Variants in KAZN observed in about 807,000 individuals in gnomAD.
KAZN encodes the protein kazrin, periplakin interacting protein.
In KAZN, 40 loss-of-function variants were observed where a neutral mutation model predicts 87.4. The observed-to-expected ratio is 0.46, with a 90% CI of 0.36 to 0.60. The LOEUF (loss-of-function observed/expected upper bound fraction) is 0.60, where lower values mean the gene tolerates loss of function less well. Among genes scored for constraint, KAZN ranks in the 20% least tolerant of loss-of-function variants. KAZN has a pLI of 0.00. For missense variants in KAZN, 898 were observed against 1,073.9 expected, an observed-to-expected ratio of 0.84 and a Z score of 2.29; for synonymous variants, 466 against 458.3, an observed-to-expected ratio of 1.02 and a Z score of -0.22.
chr1:14,402,301 T>G (rs1663483893), intron 2 of KAZN, among the ~76,000 whole-genome samples: 2 of 151,980 alleles, frequency 1.3e-5, no homozygotes, highest in South Asian at 4.1e-4. Flanking sequence ...AACAAATTTA[T>G]GAAAGAATAT....
chr1:13,896,219 T>C (rs963180635), intron 1 of KAZN, among the ~76,000 whole-genome samples: 3 of 152,208 alleles, frequency 2.0e-5, no homozygotes, highest in African/African-American at 7.2e-5. Context: ...AAGTTTTCGC[T>C]CATGACTACT....
At chr1:14,564,762 G>A (rs147091010) in intron 2 of KAZN, among the ~76,000 whole-genome samples, 2,212 of 152,156 alleles carry the variant, frequency 0.015, 64 homozygotes, top group African/African-American at 0.051. Context: ...GCAGTGAGCC[G>A]AGATCATACC....
At chr1:14,564,833 A>T (rs1438437038) in intron 2 of KAZN, among the ~76,000 whole-genome samples, 1 of 152,048 alleles carries the variant, frequency 6.6e-6, no homozygotes, top group Non-Finnish European at 1.5e-5. Context: ...TATAAAATAA[A>T]GTAAAATAAA....
chr1:14,148,625 TTA>T lies in KAZN; in HGVS notation c.92-31808_92-31807del, dbSNP rs1170515677. On this transcript the variant is annotated intron_variant, in intron 1 of 16. Coordinates refer to the KAZN transcript ENST00000636203. Reference sequence around the variant, plus strand: ...AAGCCATATTTTTGTTTTGTTTTGTTTATGTTTCTTTTGTGTTTGAGACTTTC... The same window carrying T: ...AAGCCATATTTTTGTTTTGTTTTGTTTGTTTCTTTTGTGTTTGAGACTTTC... Among the ~76,000 whole-genome samples, 4 of 152,214 alleles carry T rather than the reference TTA, an allele frequency of 2.6e-5. No homozygotes were observed. In the East Asian group the frequency reaches 7.7e-4, roughly 29 times the overall value.
chr1:14,141,142 C>G (rs1257890071), intron 1 of KAZN, among the ~76,000 whole-genome samples: 2 of 151,470 alleles, frequency 1.3e-5, no homozygotes, highest in Non-Finnish European at 2.9e-5. Flanking sequence ...TTCTAAACTT[C>G]CCCAGAAAAC....
intron 2 of KAZN, among the ~76,000 whole-genome samples, chr1:14,482,835 T>A (rs1367625365): frequency 1.3e-5 from 2 of 152,116 alleles, no homozygotes; most frequent in African/African-American, 4.8e-5. Context: ...CAACGGGAGC[T>A]AATATAACTT....
intron 4 of KAZN, among the ~76,000 whole-genome samples, chr1:15,044,445 C>T (rs1673263271): frequency 6.6e-6 from 1 of 152,146 alleles, no homozygotes; most frequent in South Asian, 2.1e-4. Context: ...CCACACACCC[C>T]AGCCTACTAT....
intron 1 of KAZN, among the ~76,000 whole-genome samples, chr1:14,654,417 C>G (rs7516049): frequency 0.069 from 10,472 of 152,104 alleles, 482 homozygotes; most frequent in African/African-American, 0.12. Context: ...AGGTAGAGAA[C>G]CCAGAAAGAG....
At position 14,657,246 on chromosome 1, in the gene KAZN, G is replaced by A. The variant is rs377081761; in HGVS notation, c.226+58023G>A. Among the ~76,000 whole-genome samples, 97 of 152,168 alleles carry A rather than the reference G, an allele frequency of 6.4e-4. 1 individual carries two copies. In the South Asian group the frequency reaches 0.018, roughly 27 times the overall value. Reference sequence around the variant, plus strand: ...TTACAGACATGTGCCACCACACCTGGCTAATCTTGTATTTTTAGTAGAGAC... The same window carrying A: ...TTACAGACATGTGCCACCACACCTGACTAATCTTGTATTTTTAGTAGAGAC... On this transcript the variant is annotated intron_variant, in intron 1 of 14. Transcript: ENST00000376030.
In KAZN at chr1:15,056,273, C is replaced by T; in HGVS notation, c.909C>T (p.Asp303=). ...LYHSHPPHPA[D]RQAVRVSPCH... ...ACTCACACCCCCCTCACCCTGCGGA[C>T]CGGCAAGGTGAGTCCTGCCCTGGCC... The change falls in exon 5 of 15, where the codon GAC becomes GAT. Residue 303 remains aspartate, a synonymous_variant. Coordinates refer to ENST00000376030, the MANE Select transcript of KAZN (RefSeq NM_201628.3). This position sits in a 1 kb window ranked among gnomAD's most constrained non-coding sequence, Gnocchi z 5.4. 6.2e-7 allele frequency: 1 copy of T among 1,605,198 alleles called. No individual in the cohort carries two copies. Among genetic ancestry groups the T allele is most frequent in the Non-Finnish European group, 8.5e-7 (1 of 1,173,124 alleles).
At chr1:14,183,633 A>C (rs1479983425) in intron 2 of KAZN, among the ~76,000 whole-genome samples, 1 of 152,158 alleles carries the variant, frequency 6.6e-6, no homozygotes, top group Non-Finnish European at 1.5e-5. Context: ...TCTTTTACTC[A>C]TACTGTGTGA....
At chr1:14,977,880 C>T (rs1243343096) in intron 2 of KAZN, among the ~76,000 whole-genome samples, 1 of 143,770 alleles carries the variant, frequency 7.0e-6, no homozygotes, top group Non-Finnish European at 1.5e-5. Context: ...GTGGGGTGCA[C>T]GTCTTTTTTT....
intron 1 of KAZN, among the ~76,000 whole-genome samples, chr1:14,121,074 G>T (rs1430385917): frequency 6.6e-6 from 1 of 152,164 alleles, no homozygotes; most frequent in East Asian, 1.9e-4. Flanking sequence ...CAACCCAGGG[G>T]AAGCAGAGGC....
intron 2 of KAZN, among the ~76,000 whole-genome samples, chr1:14,971,716 C>A (rs1665066872): frequency 7.9e-6 from 1 of 126,350 alleles, no homozygotes; most frequent in Admixed American, 9.2e-5. Flanking sequence ...GACTCTCGCT[C>A]TGTTGCCCAG....
intron 2 of KAZN, among the ~76,000 whole-genome samples, chr1:14,474,069 G>A (rs1668594338): frequency 6.6e-6 from 1 of 152,210 alleles, no homozygotes; most frequent in African/African-American, 2.4e-5. Context: ...TGTAAGCTCA[G>A]TGAGATCAGG....
intron 3 of KAZN, among the ~76,000 whole-genome samples, chr1:15,041,338 T>TTTTTTTTG (rs1330536748): frequency 6.9e-5 from 10 of 145,212 alleles, no homozygotes; most frequent in South Asian, 2.2e-4. Context: ...TTTCTTTTTT[T>TTTTTTTTG]TTTTTTTTGT....
chr1:14,250,389 A>G (rs1388931937), intron 2 of KAZN, among the ~76,000 whole-genome samples: 1 of 152,050 alleles, frequency 6.6e-6, no homozygotes, highest in Non-Finnish European at 1.5e-5. Context: ...TAAGACACAT[A>G]TATATGAGAT....
intron 2 of KAZN, among the ~76,000 whole-genome samples, chr1:14,369,611 A>C (rs1024411121): frequency 2.0e-5 from 3 of 152,200 alleles, no homozygotes; most frequent in Non-Finnish European, 2.9e-5. Context: ...GTTGCGAATG[A>C]TGAATTGCCC....
intron 1 of KAZN, among the ~76,000 whole-genome samples, chr1:14,774,862 A>G (rs1462239655): frequency 6.6e-6 from 1 of 151,946 alleles, no homozygotes; most frequent in Non-Finnish European, 1.5e-5. Flanking sequence ...TACATCATCT[A>G]CCTGTGGAAA....
Sources: allele counts gnomAD v4.1 joint callset (sites outside exome capture counted in the v4.1 genomes callset), GRCh38; gene constraint gnomAD v4.1.1; non-coding constraint Gnocchi (gnomAD v3.1); transcripts MANE v1.5; gene names NCBI Gene and HGNC (gene_info 2026-07-23, HGNC 2026-07-21).